GRM5: variants seen among roughly 807,000 people sequenced by gnomAD.
GRM5 encodes the protein metabotropic glutamate receptor 5.
In GRM5, 19 loss-of-function variants were observed where a neutral mutation model predicts 83.1. The observed-to-expected ratio is 0.23, with a 90% confidence interval of 0.16 to 0.34. The LOEUF (loss-of-function observed/expected upper bound fraction) is 0.34. Ranked by LOEUF, GRM5 falls within the 10% of genes least tolerant of loss-of-function variation. GRM5 has a pLI of 1.00. For synonymous variants in GRM5, 675 were observed against 633.6 expected (o/e 1.07, Z -0.98); for missense variants, 1,160 against 1,588.3 (o/e 0.73, Z 4.58).
chr11:88,925,322 G>A (rs918235372), intron 2 of GRM5, among the ~76,000 whole-genome samples: 1 of 12,026 alleles, frequency 8.3e-5, no homozygotes, highest in Non-Finnish European at 2.9e-4. Context: ...ACTTTTTGCT[G>A]CTTTATTTTT....
chr11:88,842,934 A>T (rs1269823889), intron 3 of GRM5, among the ~76,000 whole-genome samples: 1 of 152,198 alleles, frequency 6.6e-6, no homozygotes, highest in Non-Finnish European at 1.5e-5. Flanking sequence ...TCTGCTCTTT[A>T]CTTCATATCT....
intron 2 of GRM5, among the ~76,000 whole-genome samples, chr11:88,974,755 G>T (rs181614810): frequency 6.0e-4 from 92 of 152,152 alleles, no homozygotes; most frequent in African/African-American, 2.2e-3. Context: ...AGCATGAATT[G>T]TTACAAAAAT....
chr11:89,009,255 T>C (rs1425355218), intron 2 of GRM5, among the ~76,000 whole-genome samples: 1 of 152,230 alleles, frequency 6.6e-6, no homozygotes, highest in African/African-American at 2.4e-5. Context: ...ATCAAGTAAT[T>C]ACACAGAGTT....
chr11:88,623,735 G>A (rs941681567), intron 4 of GRM5, among the ~76,000 whole-genome samples: 3 of 152,126 alleles, frequency 2.0e-5, no homozygotes, highest in East Asian at 1.9e-4. Context: ...TCAAGTTCAC[G>A]ATAGGGTGCA....
chr11:88,631,835 A>C (rs960493535), intron 4 of GRM5, among the ~76,000 whole-genome samples: 1 of 152,168 alleles, frequency 6.6e-6, no homozygotes, highest in African/African-American at 2.4e-5. Context: ...TCAAAATCAC[A>C]AAAGATATGA....
intron 2 of GRM5, among the ~76,000 whole-genome samples, chr11:88,916,232 C>A (rs1413091259): frequency 1.3e-5 from 2 of 152,108 alleles, no homozygotes; most frequent in Non-Finnish European, 2.9e-5. Context: ...ATGCCTTTAA[C>A]CTCATATCAA....
intron 3 of GRM5, among the ~76,000 whole-genome samples, chr11:88,726,724 G>A (rs1039476977): frequency 3.9e-5 from 6 of 152,112 alleles, no homozygotes; most frequent in Admixed American, 3.3e-4. Flanking sequence ...GAAGATCATG[G>A]GGGCCAATAT....
chr11:88,874,516 G>A (rs557016291), intron 2 of GRM5, among the ~76,000 whole-genome samples: 71 of 151,976 alleles, frequency 4.7e-4, no homozygotes, highest in African/African-American at 1.6e-3. Context: ...AATGCTTTAT[G>A]ACGTGGATCT....
At chr11:88,985,991 C>T (rs664742) in intron 2 of GRM5, among the ~76,000 whole-genome samples, 12,660 of 152,060 alleles carry the variant, frequency 0.083, 1,693 homozygotes, top group African/African-American at 0.28. Flanking sequence ...AACATTCCAC[C>T]ACTATACAAC....
At chr11:88,743,998 C>T (rs560205220) in intron 3 of GRM5, among the ~76,000 whole-genome samples, 130 of 152,220 alleles carry the variant, frequency 8.5e-4, no homozygotes, top group African/African-American at 3.0e-3. Flanking sequence ...ACAAAGGTTG[C>T]TGAACAAGGC....
At chr11:88,606,501 A>C (rs1938146163) in intron 4 of GRM5, among the ~76,000 whole-genome samples, 1 of 152,212 alleles carries the variant, frequency 6.6e-6, no homozygotes, top group Non-Finnish European at 1.5e-5. Context: ...GGGCAACAAG[A>C]GGGAAAGTCA....
intron 3 of GRM5, among the ~76,000 whole-genome samples, chr11:88,799,062 T>C (rs565774288): frequency 6.6e-6 from 1 of 152,196 alleles, no homozygotes; most frequent in South Asian, 2.1e-4. Flanking sequence ...TTGTGCCCTT[T>C]TGAAGGGAAA....
At chr11:88,781,549 C>G (rs1261509102) in intron 3 of GRM5, among the ~76,000 whole-genome samples, 1 of 152,092 alleles carries the variant, frequency 6.6e-6, no homozygotes, top group East Asian at 1.9e-4. Flanking sequence ...TCCAGGCAGG[C>G]TGATTGTCCT....
chr11:88,865,352 G>C (rs1944644007), intron 2 of GRM5, among the ~76,000 whole-genome samples: 1 of 152,226 alleles, frequency 6.6e-6, no homozygotes, highest in Non-Finnish European at 1.5e-5. Flanking sequence ...AAACTGGCTA[G>C]CCTTATGCAG....
chr11:88,975,249 G>C (rs1261153506), intron 2 of GRM5, among the ~76,000 whole-genome samples: 1 of 152,214 alleles, frequency 6.6e-6, no homozygotes, highest in Non-Finnish European at 1.5e-5. Flanking sequence ...CACAAACCGT[G>C]ATGGCAGCCA....
At chr11:88,937,709 T>C (rs928791335) in intron 2 of GRM5, among the ~76,000 whole-genome samples, 4 of 151,562 alleles carry the variant, frequency 2.6e-5, no homozygotes, top group African/African-American at 4.8e-5. Context: ...TTTTATTTTA[T>C]AGACAAATTT....
intron 3 of GRM5, among the ~76,000 whole-genome samples, chr11:88,666,898 C>T (rs1208719411): frequency 6.6e-6 from 1 of 151,834 alleles, no homozygotes; most frequent in East Asian, 1.9e-4. Context: ...AATGGACAGA[C>T]ATATAAAGCA....
At chr11:88,896,811 T>C (rs1392248761) in intron 2 of GRM5, among the ~76,000 whole-genome samples, 1 of 151,952 alleles carries the variant, frequency 6.6e-6, no homozygotes, top group African/African-American at 2.4e-5. Flanking sequence ...GATTCAACTG[T>C]TTCTGGAGAT....
chr11:88,604,118 T>C (rs966154523), intron 5 of GRM5, among the ~76,000 whole-genome samples: 2 of 152,154 alleles, frequency 1.3e-5, no homozygotes, highest in South Asian at 2.1e-4. Flanking sequence ...CTTAGTGATT[T>C]CTCTGGGGAC....
Sources: allele counts gnomAD v4.1 joint callset (sites outside exome capture counted in the v4.1 genomes callset), GRCh38; gene constraint gnomAD v4.1.1; transcripts MANE v1.5; gene names NCBI Gene and HGNC (gene_info 2026-07-23, HGNC 2026-07-21).